The following PCED1B variants were observed in gnomAD, a reference collection of about 807,000 sequenced individuals.
PCED1B encodes PC-esterase domain containing 1B.
For missense variants in PCED1B, 573 were observed against 573.9 expected (o/e 1.00, Z 0.02); for synonymous variants, 251 against 246.1 (o/e 1.02, Z -0.19).
At chr12:47,130,548 A>G (rs1198887606) in intron 2 of PCED1B, among the ~76,000 whole-genome samples, 1 of 152,100 alleles carries the variant, frequency 6.6e-6, no homozygotes, top group Non-Finnish European at 1.5e-5. Context: ...AATTAGCCAG[A>G]TGTGTTGGTG....
intron 2 of PCED1B, among the ~76,000 whole-genome samples, chr12:47,138,765 C>G (rs1481294593): frequency 6.6e-6 from 1 of 152,176 alleles, no homozygotes; most frequent in East Asian, 1.9e-4. Context: ...ACTCAGAAAC[C>G]ATGCCTCCTT....
At chr12:47,082,444 C>G (rs2898002) in intron 1 of PCED1B, among the ~76,000 whole-genome samples, 41,722 of 152,096 alleles carry the variant, frequency 0.27, 6,236 homozygotes, top group South Asian at 0.39. Flanking sequence ...AGTCCTGGAT[C>G]TGGTAGTACC....
intron 1 of PCED1B, among the ~76,000 whole-genome samples, chr12:47,080,538 G>T (rs1323421241): frequency 6.6e-6 from 1 of 152,108 alleles, no homozygotes; most frequent in Non-Finnish European, 1.5e-5. Flanking sequence ...CTCTCCACAG[G>T]GATATCTGCT....
chr12:47,110,513 A>G (rs927305643), intron 2 of PCED1B, among the ~76,000 whole-genome samples: 5 of 152,222 alleles, frequency 3.3e-5, no homozygotes, highest in Non-Finnish European at 7.3e-5. Context: ...TACTAATAAA[A>G]TATGATCTTT....
chr12:47,206,593 G>A (rs1416817337), intron 2 of PCED1B: 1 of 152,158 alleles, frequency 6.6e-6, no homozygotes, highest in Non-Finnish European at 1.5e-5. Context: ...AGCCTGCTGG[G>A]GACAAGGCAA....
intron 2 of PCED1B, among the ~76,000 whole-genome samples, chr12:47,179,566 C>T (rs1418592212): frequency 1.3e-5 from 2 of 152,174 alleles, no homozygotes; most frequent in Admixed American, 6.5e-5. Flanking sequence ...AAAACAACTG[C>T]TCTGGTTTAA....
At chr12:47,200,564 C>T (rs899885840) in intron 2 of PCED1B, among the ~76,000 whole-genome samples, 3 of 152,186 alleles carry the variant, frequency 2.0e-5, no homozygotes, top group Non-Finnish European at 2.9e-5. Flanking sequence ...ATAGTCTTAA[C>T]ATAGAATCCA....
chr12:47,123,174 G>A (rs1565761387), intron 2 of PCED1B, among the ~76,000 whole-genome samples: 1 of 152,184 alleles, frequency 6.6e-6, no homozygotes, highest in African/African-American at 2.4e-5. Flanking sequence ...GTCTTTGATA[G>A]CAGTCACATT....
At chr12:47,231,102 CTGTAGAGGGGCCGATGG>C (rs751528256) in intron 3 of PCED1B, among the ~76,000 whole-genome samples, 3 of 152,206 alleles carry the variant, frequency 2.0e-5, no homozygotes, top group Non-Finnish European at 2.9e-5. Flanking sequence ...TGCTAATACT[CTGTAGAGGGGCCGATGG>C]ATATCCTCTG....
At chr12:47,103,227 T>A (rs1938793951) in intron 1 of PCED1B, among the ~76,000 whole-genome samples, 2 of 152,238 alleles carry the variant, frequency 1.3e-5, no homozygotes, top group African/African-American at 4.8e-5. Flanking sequence ...TTTGAGCAGA[T>A]GCATATTTAT....
intron 3 of PCED1B, among the ~76,000 whole-genome samples, chr12:47,227,563 G>A (rs916869597): frequency 2.0e-5 from 3 of 151,830 alleles, no homozygotes; most frequent in East Asian, 2.0e-4. Context: ...CATTAGAGAA[G>A]AATAATAAGG....
intron 2 of PCED1B, among the ~76,000 whole-genome samples, chr12:47,164,091 C>G: frequency 6.6e-6 from 1 of 152,126 alleles, no homozygotes. Flanking sequence ...AACTGGGGAT[C>G]AAATTTCAAC....
At chr12:47,226,756 C>T (rs183797069) in intron 3 of PCED1B, among the ~76,000 whole-genome samples, 6 of 152,176 alleles carry the variant, frequency 3.9e-5, no homozygotes, top group African/African-American at 1.2e-4. Flanking sequence ...ATGAGTGAAT[C>T]GATAAAATAG....
At chr12:47,234,261 T>C (rs1438315548) in intron 3 of PCED1B, among the ~76,000 whole-genome samples, 2 of 152,248 alleles carry the variant, frequency 1.3e-5, no homozygotes, top group African/African-American at 4.8e-5. Context: ...GTGCTGGGAT[T>C]ACAGGCGTAA....
At chr12:47,209,982 G>A (rs933456718) in intron 2 of PCED1B, 2 of 152,224 alleles carry the variant, frequency 1.3e-5, no homozygotes, top group African/African-American at 4.8e-5. Context: ...TAGCTTTGGA[G>A]ATAGAAGCTA....
chr12:47,105,998 A>G (rs1938930722), intron 2 of PCED1B, among the ~76,000 whole-genome samples: 1 of 152,230 alleles, frequency 6.6e-6, no homozygotes, highest in South Asian at 2.1e-4. Context: ...TAACACAAAT[A>G]GAAACTTAAA....
chr12:47,213,474 A>T (rs1052709080), intron 2 of PCED1B, among the ~76,000 whole-genome samples: 1 of 152,224 alleles, frequency 6.6e-6, no homozygotes, highest in Non-Finnish European at 1.5e-5. Context: ...TAATGTATAT[A>T]TATGTATATA....
chr12:47,211,804 G>A (rs1943093260), intron 2 of PCED1B, among the ~76,000 whole-genome samples: 1 of 151,242 alleles, frequency 6.6e-6, no homozygotes, highest in Admixed American at 6.6e-5. Context: ...GGCTGGGCAC[G>A]GTGGCTCACG....
intron 2 of PCED1B, among the ~76,000 whole-genome samples, chr12:47,168,712 G>T (rs1399571301): frequency 6.6e-6 from 1 of 152,086 alleles, no homozygotes; most frequent in African/African-American, 2.4e-5. Context: ...TCTTGCCATT[G>T]CTTTGAAATA....
Sources: gnomAD v4.1 joint callset for allele counts (sites outside exome capture counted in the v4.1 genomes callset) on GRCh38, gnomAD v4.1.1 for gene constraint, MANE v1.5 for transcripts, NCBI Gene and HGNC (gene_info 2026-07-23, HGNC 2026-07-21) for gene names.